ASPM: variants seen among roughly 807,000 people sequenced by gnomAD.
ASPM encodes assembly factor for spindle microtubules.
ASPM carries 256 observed loss-of-function variants against 366.4 expected under a neutral mutation model. That is an observed-to-expected ratio of 0.70 (90% CI 0.63 to 0.77). The LOEUF (loss-of-function observed/expected upper bound fraction) is 0.77, where lower values mean the gene tolerates loss of function less well. Ranked by LOEUF, ASPM falls within the 30% of genes least tolerant of loss-of-function variation. The pLI, the probability that ASPM is intolerant of heterozygous loss-of-function variation, is 0.00. For synonymous variants in ASPM, 1,414 were observed against 1,342.9 expected (o/e 1.05, Z -1.16); for missense variants, 4,146 against 4,090.4 (o/e 1.01, Z -0.37).
chr1:197,138,583 C>A (rs1658487070), intron 4 of ASPM, among the ~76,000 whole-genome samples: 1 of 152,182 alleles, frequency 6.6e-6, no homozygotes, highest in East Asian at 1.9e-4. Context: ...CAGGCATGAG[C>A]CACCACGCCC....
chr1:197,128,561 C>G lies in ASPM; in HGVS notation c.2865G>C (p.Gln955His), dbSNP rs749203712. The change falls in exon 10 of 28, where the codon CAG becomes CAC. Residue 955 changes from glutamine (Q) to histidine (H), a missense_variant. Coordinates refer to ENST00000367409, the MANE Select transcript of ASPM (RefSeq NM_018136.5). Reference sequence around the variant, plus strand: ...CAAAATCAAATTCATCAAATGGTGTCTGAACATGGTTAACAGGTAATCCCA... The same window carrying G: ...CAAAATCAAATTCATCAAATGGTGTGTGAACATGGTTAACAGGTAATCCCA... The part of the protein sequence containing the change: ...GLLGLPVNHV[Q>H]TPFDEFDFAV... The G allele has an allele frequency of 2.5e-6, 4 of 1,613,736 alleles. No homozygotes were observed. The Admixed American group carries it at 5.0e-5, about 20-fold the overall frequency.
At chr1:197,117,480 T>G (rs1024716591) in intron 17 of ASPM, among the ~76,000 whole-genome samples, 2 of 152,054 alleles carry the variant, frequency 1.3e-5, no homozygotes, top group South Asian at 4.1e-4. Flanking sequence ...CCTGGTTGGT[T>G]ATGTGGATCT....
At chr1:197,122,327 T>C (rs1348826311) in intron 14 of ASPM, 26 bp from the exon 15 acceptor site, 3 of 1,613,670 alleles carry the variant, frequency 1.9e-6, no homozygotes, top group Admixed American at 3.3e-5. Context: ...AAAGGAGAAA[T>C]TAGCCGTAGC....
intron 25 of ASPM, 28 bp downstream of exon 25, chr1:197,089,902 A>T: frequency 6.2e-7 from 1 of 1,604,710 alleles, no homozygotes; most frequent in Non-Finnish European, 8.5e-7. Context: ...TGACCAGTGA[A>T]TATCTCATTA....
In ASPM at chr1:197,143,639, G is replaced by A. The variant is rs757949437; in HGVS notation, c.613C>T (p.Pro205Ser). The change falls in exon 3 of 28, where the codon CCC becomes TCC. Residue 205 changes from proline to serine, a missense_variant. By Grantham distance (74) the Pro-to-Ser change is moderately conservative. Around this residue, in one of 3 missense-constraint regions of ASPM, gnomAD observed 512 missense variants for 471.7 expected, o/e 1.09. Transcript: ENST00000367409. ...ATTAAAGAATTGTTTTCTGTTGGGG[G>A]ACCGCCTTCATTCATAGCCAAGTTT... ...CENLAMNEGG[P>S]PTENNSLILE... The A allele has an allele frequency of 1.4e-5, 23 of 1,613,230 alleles. No individual in the cohort carries two copies. Among genetic ancestry groups the A allele is most frequent in the Non-Finnish European group, 1.8e-5 (21 of 1,179,906 alleles).
intron 10 of ASPM, 61 bp downstream of exon 10, chr1:197,128,429 T>G: frequency 1.3e-6 from 2 of 1,492,856 alleles, no homozygotes; most frequent in Non-Finnish European, 1.9e-6. Context: ...ACAAAAAAAG[T>G]GTTTTCCAGA....
intron 23 of ASPM, among the ~76,000 whole-genome samples, 183 bp downstream of exon 23, chr1:197,090,667 C>T (rs1571588754): frequency 6.6e-6 from 1 of 152,154 alleles, no homozygotes; most frequent in East Asian, 1.9e-4. Flanking sequence ...TATAAACCTC[C>T]TCTAGAGCAT....
chr1:197,145,449 T>A (rs1232998211), intron 1 of ASPM, among the ~76,000 whole-genome samples: 1 of 152,154 alleles, frequency 6.6e-6, no homozygotes, highest in East Asian at 1.9e-4. Flanking sequence ...ACTACACGTA[T>A]ATATTGAAAA....
At position 197,101,669 on chromosome 1, in the gene ASPM, T is replaced by C; in HGVS notation, c.7582A>G (p.Ile2528Val). 6.2e-7 allele frequency: 1 copy of C among 1,612,238 alleles called. No individual in the cohort carries two copies. The highest frequency in any genetic ancestry group is 1.7e-5 in the Admixed American group (1 of 59,770). The change falls in exon 18 of 28, where the codon ATC (isoleucine) becomes GTC (valine). Residue 2528 changes from isoleucine (I) to valine (V), a missense_variant. By Grantham distance (29) the Ile-to-Val change is conservative. Transcript: ENST00000367409. Reference protein sequence around the residue: ...RAAKLQRENYIRQWHSAVVIQ... With the variant: ...RAAKLQRENYVRQWHSAVVIQ... ...ACCACAGCAGAATGCCATTGTCTGA[T>C]ATAATTTTCTCTTTGTAATTTTGCA...
At chr1:197,100,162 A>G (rs529873658) in intron 18 of ASPM, among the ~76,000 whole-genome samples, 1 of 151,818 alleles carries the variant, frequency 6.6e-6, no homozygotes, top group African/African-American at 2.4e-5. Context: ...TATTTTCTCA[A>G]AATTCTTCTA....
At chr1:197,123,987 G>C (rs1331089319) in intron 13 of ASPM, 123 bp downstream of exon 13, 2 of 788,764 alleles carry the variant, frequency 2.5e-6, no homozygotes, top group Non-Finnish European at 4.1e-6. Context: ...TCATTTGAGG[G>C]AAAGTTTGCT....
intron 10 of ASPM, among the ~76,000 whole-genome samples, chr1:197,125,424 T>A (rs1486490945): frequency 6.6e-6 from 1 of 151,788 alleles, no homozygotes; most frequent in East Asian, 1.9e-4. Context: ...AAGATATACA[T>A]ATATAAATGC....
chr1:197,119,707 C>T (rs2125103239), intron 16 of ASPM, among the ~76,000 whole-genome samples: 2 of 152,112 alleles, frequency 1.3e-5, no homozygotes, highest in Middle Eastern at 3.4e-3. Flanking sequence ...ATATATAGGG[C>T]CAAATTCTAG....
Position 197,101,043 on chromosome 1 carries a change from TAA to T in ASPM, c.8206_8207del (p.Leu2736SerfsTer14). On this transcript the variant is annotated frameshift_variant, in exon 18 of 28. Coordinates refer to ENST00000367409, the MANE Select transcript of ASPM (RefSeq NM_018136.5). LOFTEE classifies it high-confidence loss of function. ...TAGTTCGTACAGATTTCTGAACTGC[TAA>T]AAAGTTTTTTCTTTCTGTTTTTACT... ...VRVKTERKNF[L>X]AVQKSVRTIQ... 3.1e-6 allele frequency: 5 copies of T among 1,611,692 alleles called. No individual in the cohort carries two copies. Among genetic ancestry groups the T allele is most frequent in the Non-Finnish European group, 2.5e-6 (3 of 1,178,870 alleles).
Position 197,143,197 on chromosome 1 carries a change from T to C in ASPM, c.1055A>G (p.His352Arg). 1.2e-6 allele frequency: 2 copies of C among 1,613,644 alleles called. No homozygotes were observed. Among genetic ancestry groups the C allele is most frequent in the Non-Finnish European group, 1.7e-6 (2 of 1,179,690 alleles). ...TTCATGTGCAATTGTTGATTCCAAATGCACAGGCTGTGAATTATCTTTCAT... is the reference window on the plus strand; with the variant it reads ...TTCATGTGCAATTGTTGATTCCAAACGCACAGGCTGTGAATTATCTTTCAT... The part of the protein sequence containing the change: ...MFMKDNSQPV[H>R]LESTIAHEIY... Residue 352 changes from histidine (H) to arginine (R), a missense_variant, in exon 3 of 28, where the codon CAT becomes CGT. This residue lies in a region of ASPM where 512 missense variants were observed against 471.7 expected (regional missense o/e 1.09). Transcript: ENST00000367409.
intron 17 of ASPM, among the ~76,000 whole-genome samples, chr1:197,109,046 C>T (rs895950394): frequency 4.7e-5 from 7 of 148,962 alleles, no homozygotes; most frequent in Non-Finnish European, 8.9e-5. Context: ...CTAATGTGAT[C>T]GCTATACAGT....
In ASPM at chr1:197,105,248, C is replaced by T. The variant is rs534878133; in HGVS notation, c.4066-63G>A. ...ATAGCTTTCTATATTTAACACTTTT[C>T]AAAATACTAATTTTTCTAACATTCT... On this transcript the variant is annotated intron_variant, in intron 17 of 27. Coordinates refer to ENST00000367409, the MANE Select transcript of ASPM (RefSeq NM_018136.5). 412 of 1,260,632 alleles carry T rather than the reference C, an allele frequency of 3.3e-4. 1 individual carries two copies. The highest frequency in any genetic ancestry group is 2.1e-3 in the African/African-American group (138 of 67,264). The allele number at this position is 1,260,632 out of a possible 1,614,324, so 78.1% of individuals were successfully genotyped here.
intron 21 of ASPM, among the ~76,000 whole-genome samples, chr1:197,092,391 C>G (rs1383073388): frequency 3.3e-5 from 5 of 151,658 alleles, no homozygotes; most frequent in African/African-American, 1.2e-4. Context: ...CCAAGCAGAA[C>G]TCTTGGAAAT....
In ASPM at chr1:197,143,334, C is replaced by G; in HGVS notation, c.918G>C (p.Leu306Phe). 6.2e-7 allele frequency: 1 copy of G among 1,613,880 alleles called. No individual in the cohort carries two copies. The highest frequency in any genetic ancestry group is 8.5e-7 in the Non-Finnish European group (1 of 1,179,822). The change falls in exon 3 of 28, where the codon TTG (leucine) becomes TTC (phenylalanine). Residue 306 changes from leucine (L) to phenylalanine (F), a missense_variant. Coordinates refer to ENST00000367409, the MANE Select transcript of ASPM (RefSeq NM_018136.5). ...AATGTATTTGGCTTTGTGTAATGTT[C>G]AAAGTTGAAGAACAGTTGGGGGTAA... ...LSLTPNCSST[L>F]NITQSQIHFL...
Sources: gnomAD v4.1 joint callset for allele counts (sites outside exome capture counted in the v4.1 genomes callset) on GRCh38, gnomAD v4.1.1 for gene constraint, gnomAD v4.1.1 regional missense constraint, MANE v1.5 for transcripts, NCBI Gene and HGNC (gene_info 2026-07-23, HGNC 2026-07-21) for gene names.